Variants in PDCD6 observed in about 807,000 individuals in gnomAD.
PDCD6 encodes the protein programmed cell death protein 6.
In PDCD6, 12 loss-of-function variants were observed where a neutral mutation model predicts 28.3. That is an observed-to-expected ratio of 0.42 (90% CI 0.27 to 0.69). PDCD6 has a LOEUF of 0.69. PDCD6 is among the 30% of genes least tolerant of loss of function. The pLI is 0.22. For synonymous variants in PDCD6, 92 were observed against 108.0 expected, an observed-to-expected ratio of 0.85 and a Z score of 0.92; for missense variants, 226 against 269.9, an observed-to-expected ratio of 0.84 and a Z score of 1.14.
intron 4 of PDCD6, 124 bp downstream of exon 4, chr5:306,884 G>A (rs951059360): frequency 7.7e-6 from 7 of 911,254 alleles, no homozygotes; most frequent in East Asian, 2.4e-5. Flanking sequence ...TTTTGTTGAC[G>A]TCATGCAGGT....
chr5:275,186 C>T (rs1429650336), intron 2 of PDCD6, among the ~76,000 whole-genome samples: 4 of 152,146 alleles, frequency 2.6e-5, no homozygotes, highest in South Asian at 2.1e-4. Flanking sequence ...TTTGGGAGGC[C>T]GAGGCAGGGG....
intron 2 of PDCD6, among the ~76,000 whole-genome samples, chr5:285,904 GT>G (rs1738924154): frequency 6.6e-6 from 1 of 151,624 alleles, no homozygotes; most frequent in African/African-American, 2.4e-5. Flanking sequence ...AGACCCAGGG[GT>G]GAGCTGATGT....
Position 314,749 on chromosome 5 carries a change from G to A in PDCD6, c.*234G>A. ...TTTGGTGACTGTCTCATTGTGCCATGAGGTAAATGTAATGTTTCAGGCATT... is the reference window on the plus strand; with the variant it reads ...TTTGGTGACTGTCTCATTGTGCCATAAGGTAAATGTAATGTTTCAGGCATT... On this transcript the variant is annotated 3_prime_UTR_variant, in exon 6 of 6. Coordinates refer to ENST00000264933, the MANE Select transcript of PDCD6 (RefSeq NM_013232.4). The A allele has an allele frequency of 1.6e-6, 1 of 615,526 alleles. No individual in the cohort carries two copies. Among genetic ancestry groups the A allele is most frequent in the Non-Finnish European group, 3.0e-6 (1 of 333,436 alleles). 38.1% of individuals were successfully genotyped at this position (615,526 alleles called of 1,614,324 possible).
At chr5:310,332 A>C (rs1000775998) in intron 4 of PDCD6, 7 of 153,420 alleles carry the variant, frequency 4.6e-5, no homozygotes, top group Admixed American at 1.3e-4. Context: ...CACTGTGTTC[A>C]TGTTTGTGTG....
Position 314,686 on chromosome 5 carries a change from T to C in PDCD6, c.*171T>C. 1.4e-6 allele frequency: 1 copy of C among 693,772 alleles called. No individual in the cohort carries two copies. The highest frequency in any genetic ancestry group is 2.6e-6 in the Non-Finnish European group (1 of 379,100). 43.0% of individuals were successfully genotyped at this position (693,772 alleles called of 1,614,324 possible). A position where few individuals can be genotyped will look rare whatever the true frequency, so the allele number is the denominator to read the frequency against. ...ATAAGCTGATTAATGGTTTTGCAAC[T>C]GTAATAGTAGCTGTATCGTTCTAAT... On this transcript the variant is annotated 3_prime_UTR_variant, in exon 6 of 6. Transcript: ENST00000264933.
intron 2 of PDCD6, among the ~76,000 whole-genome samples, chr5:294,074 A>G (rs1258376700): frequency 6.6e-6 from 1 of 150,538 alleles, no homozygotes. Flanking sequence ...ACAGGCCTAA[A>G]TGGAGAACAT....
At chr5:286,673 C>T (rs1466760742) in intron 2 of PDCD6, among the ~76,000 whole-genome samples, 21 of 132,772 alleles carry the variant, frequency 1.6e-4, no homozygotes, top group Non-Finnish European at 2.9e-4. Flanking sequence ...CTGATGTTCC[C>T]GTTGGAGAGC....
At chr5:285,077 G>A (rs1561035340) in intron 2 of PDCD6, among the ~76,000 whole-genome samples, 1 of 147,394 alleles carries the variant, frequency 6.8e-6, no homozygotes, top group Non-Finnish European at 1.5e-5. Context: ...CCCTCAGACT[G>A]GAACATCAGC....
chr5:302,203 GTGTGTGTGTAT>G (rs2126753223), intron 2 of PDCD6, among the ~76,000 whole-genome samples: 1 of 122,822 alleles, frequency 8.1e-6, no homozygotes, highest in South Asian at 2.9e-4. Flanking sequence ...GTGTGTGTGT[GTGTGTGTGTAT>G]GCCTCGGGTT....
intron 2 of PDCD6, among the ~76,000 whole-genome samples, chr5:291,885 G>C (rs1399613886): frequency 2.0e-5 from 3 of 152,226 alleles, no homozygotes; most frequent in African/African-American, 7.2e-5. Flanking sequence ...GTACACAAGT[G>C]CAAGTTGCTT....
chr5:279,846 A>C (rs1395125830), intron 2 of PDCD6, among the ~76,000 whole-genome samples: 3 of 151,366 alleles, frequency 2.0e-5, no homozygotes, highest in African/African-American at 7.3e-5. Context: ...GTAATGGCAA[A>C]AACTGCGATG....
chr5:274,188 C>T (rs1738034085), intron 2 of PDCD6, among the ~76,000 whole-genome samples: 1 of 152,240 alleles, frequency 6.6e-6, no homozygotes, highest in Admixed American at 6.5e-5. Flanking sequence ...GAGTGCCCTC[C>T]TCAGAGGCCA....
At chr5:281,279 G>A (rs1395237130) in intron 2 of PDCD6, among the ~76,000 whole-genome samples, 1 of 152,262 alleles carries the variant, frequency 6.6e-6, no homozygotes, top group African/African-American at 2.4e-5. Context: ...GGATTGGTCA[G>A]GGAGGGTCTT....
chr5:311,409 G>A lies in PDCD6; in HGVS notation c.477+7G>A. ...GGGCTGCATCGTCCTGCAGGTGACG[G>A]AATGGCTTCACGTGGGTTTGTGGTG... On this transcript the variant is annotated splice_region_variant and intron_variant, in intron 5 of 5. Transcript: ENST00000264933. 6.3e-7 allele frequency: 1 copy of A among 1,599,796 alleles called. No homozygotes were observed. Among genetic ancestry groups the A allele is most frequent in the Non-Finnish European group, 8.6e-7 (1 of 1,167,128 alleles).
intron 5 of PDCD6, 44 bp downstream of exon 5, chr5:311,446 G>T (rs1484930274): frequency 2.9e-6 from 4 of 1,365,332 alleles, no homozygotes; most frequent in African/African-American, 1.4e-5. Flanking sequence ...TGGTGGGAGG[G>T]GCTTGCTTGC....
In PDCD6 at chr5:271,667, C is replaced by T. The variant is rs766844931; in HGVS notation, c.-54C>T. 5.0e-5 allele frequency: 53 copies of T among 1,057,982 alleles called. No individual in the cohort carries two copies. Among genetic ancestry groups the T allele is most frequent in the African/African-American group, 3.5e-4 (22 of 62,232 alleles). The allele number at this position is 1,057,982 out of a possible 1,614,324, so 65.5% of individuals were successfully genotyped here. A position where few individuals can be genotyped will look rare whatever the true frequency, so the allele number is the denominator to read the frequency against. On this transcript the variant is annotated 5_prime_UTR_variant, in exon 1 of 6. Coordinates refer to ENST00000264933, the MANE Select transcript of PDCD6 (RefSeq NM_013232.4). ...CGGCAGAGGCGGAAGCGGAGTCGGC[C>T]TGAGAGGTCTCTCGTCGCTGCAGGC...
chr5:294,946 G>A (rs954988976), intron 2 of PDCD6, among the ~76,000 whole-genome samples: 15 of 152,234 alleles, frequency 9.9e-5, no homozygotes, highest in Non-Finnish European at 1.9e-4. Flanking sequence ...GAGGGATGCC[G>A]CCACGTGACA....
At chr5:287,306 C>T (rs1463851778) in intron 2 of PDCD6, among the ~76,000 whole-genome samples, 3 of 152,124 alleles carry the variant, frequency 2.0e-5, no homozygotes, top group East Asian at 3.9e-4. Flanking sequence ...GAGCTAAACA[C>T]GGAGCCGATG....
At chr5:306,834 T>C in intron 4 of PDCD6, 74 bp downstream of exon 4, 1 of 1,456,600 alleles carries the variant, frequency 6.9e-7, no homozygotes, top group East Asian at 2.3e-5. Context: ...CTTTAAACCT[T>C]GTTGGACTTA....
Sources: gnomAD v4.1 joint callset for allele counts (sites outside exome capture counted in the v4.1 genomes callset) on GRCh38, gnomAD v4.1.1 for gene constraint, MANE v1.5 for transcripts, NCBI Gene and HGNC (gene_info 2026-07-23, HGNC 2026-07-21) for gene names.